The following ENOX2 variants were observed in gnomAD, a reference collection of about 807,000 sequenced individuals.
ENOX2 encodes APK1 antigen.
In ENOX2, 36 loss-of-function variants were observed where a neutral mutation model predicts 45.0. The observed-to-expected ratio is 0.80, with a 90% CI of 0.61 to 1.06. The LOEUF (loss-of-function observed/expected upper bound fraction) is 1.06, where lower values mean the gene tolerates loss of function less well. Ranked by LOEUF, ENOX2 falls within the 50% of genes least tolerant of loss-of-function variation. The pLI, the probability that ENOX2 is intolerant of heterozygous loss-of-function variation, is 0.00. For missense variants in ENOX2, 423 were observed against 462.5 expected (o/e 0.91, Z 0.78); for synonymous variants, 174 against 152.3 (o/e 1.14, Z -1.05).
At chrX:130,686,198 C>T (rs1246517776) in intron 5 of ENOX2, among the ~76,000 whole-genome samples, 1 of 110,505 alleles carries the variant, frequency 9.0e-6, no homozygotes, top group Non-Finnish European at 1.9e-5. Flanking sequence ...ATTGTAATAC[C>T]CCATGTTAGA....
chrX:130,849,995 TGTGAACACAGTTTGAAA>T (rs1253615340), intron 2 of ENOX2, among the ~76,000 whole-genome samples: 1 of 111,896 alleles, frequency 8.9e-6, no homozygotes, highest in Non-Finnish European at 1.9e-5. Context: ...TCATGGATCC[TGTGAACACAGTTTGAAA>T]ATCTATGGGC....
intron 6 of ENOX2, among the ~76,000 whole-genome samples, chrX:130,676,815 C>T (rs2037165696): frequency 9.0e-6 from 1 of 111,375 alleles, no homozygotes; most frequent in South Asian, 3.9e-4. Context: ...TCTAACTGAC[C>T]TCCTCTCCTC....
At chrX:130,838,930 T>C (rs1441167263) in intron 2 of ENOX2, among the ~76,000 whole-genome samples, 1 of 111,961 alleles carries the variant, frequency 8.9e-6, no homozygotes, top group African/African-American at 3.2e-5. Flanking sequence ...CTGTAGCTCT[T>C]TCCTAGGACT....
chrX:130,656,622 T>C lies in ENOX2; in HGVS notation c.1088A>G (p.Glu363Gly). ...TTTTGTTTCTGTCATTTCTTCTATTTCATCATCAGACATTTCCATTTCTTC... is the reference window on the plus strand; with the variant it reads ...TTTTGTTTCTGTCATTTCTTCTATTCCATCATCAGACATTTCCATTTCTTC... The part of the protein sequence containing the change: ...REEEMEMSDD[E>G]IEEMTETKET... The change falls in exon 10 of 15, where the codon GAA (glutamate) becomes GGA (glycine). Residue 363 changes from glutamate (E) to glycine (G), a missense_variant. By Grantham distance (98) the Glu-to-Gly change is moderately conservative. Coordinates refer to ENST00000394363, the MANE Select transcript of ENOX2 (RefSeq NM_006375.4). The C allele has an allele frequency of 8.5e-7, 1 of 1,176,322 alleles. No homozygotes were observed. Among genetic ancestry groups the C allele is most frequent in the East Asian group, 3.0e-5 (1 of 33,613 alleles).
At position 130,724,942 on chromosome X, in the gene ENOX2, T is replaced by A. The variant is rs139143231; in HGVS notation, c.-38-21688A>T. 4.0e-3 allele frequency among the ~76,000 whole-genome samples: 446 copies of A among 111,088 alleles called. 1 individual carries two copies. Among genetic ancestry groups the A allele is most frequent in the African/African-American group, 0.014 (417 of 30,527 alleles). ...TAAACTGGTATGACTGTCCAGTGCA[T>A]ATTGGCTGACTATCAGCCTGAAGAG... On this transcript the variant is annotated intron_variant, in intron 3 of 14. Coordinates refer to ENST00000394363, the MANE Select transcript of ENOX2 (RefSeq NM_006375.4).
intron 3 of ENOX2, among the ~76,000 whole-genome samples, chrX:130,716,248 G>GA (rs761856233): frequency 2.7e-5 from 3 of 111,882 alleles, no homozygotes; most frequent in Non-Finnish European, 5.6e-5. Context: ...AACACTGCCA[G>GA]AAAAAAACAG....
At chrX:130,723,924 T>C (rs998060884) in intron 3 of ENOX2, among the ~76,000 whole-genome samples, 8 of 111,841 alleles carry the variant, frequency 7.2e-5, no homozygotes, top group African/African-American at 2.6e-4. Context: ...AAAACTTTGA[T>C]GGCAGGGATG....
intron 11 of ENOX2, 147 bp from the exon 12 acceptor site, chrX:130,635,238 T>C (rs962970085): frequency 1.0e-4 from 40 of 385,556 alleles, no homozygotes; most frequent in Non-Finnish European, 1.5e-4. Flanking sequence ...ATTGGGCAAA[T>C]CAAGATATTT....
chrX:130,889,067 A>ATCAT (rs1291154103), intron 2 of ENOX2, among the ~76,000 whole-genome samples: 1 of 112,024 alleles, frequency 8.9e-6, no homozygotes, highest in Non-Finnish European at 1.9e-5. Flanking sequence ...ATGCTTTATG[A>ATCAT]GGCTCCAAGC....
At chrX:130,660,445 G>A (rs1280358434) in intron 9 of ENOX2, among the ~76,000 whole-genome samples, 1 of 111,686 alleles carries the variant, frequency 9.0e-6, no homozygotes, top group African/African-American at 3.3e-5. Context: ...GCTCTACTTT[G>A]GGAAGGAAAC....
At chrX:130,813,881 A>T (rs1345462013) in intron 2 of ENOX2, among the ~76,000 whole-genome samples, 1 of 111,970 alleles carries the variant, frequency 8.9e-6, no homozygotes, top group East Asian at 2.8e-4. Context: ...TGGCGCCTGG[A>T]ACGCCAGCAA....
chrX:130,860,690 T>C, intron 2 of ENOX2, among the ~76,000 whole-genome samples: 1 of 111,507 alleles, frequency 9.0e-6, no homozygotes, highest in Non-Finnish European at 1.9e-5. Context: ...TTGAACAGTT[T>C]CCACCCTGCT....
intron 3 of ENOX2, among the ~76,000 whole-genome samples, chrX:130,704,249 G>A (rs1235168889): frequency 9.0e-6 from 1 of 111,698 alleles, no homozygotes; most frequent in Admixed American, 9.5e-5. Context: ...TGTGGCCTGA[G>A]TAAGCAGGAA....
chrX:130,781,780 T>TTTG (rs34314158), intron 3 of ENOX2, among the ~76,000 whole-genome samples: 59 of 110,055 alleles, frequency 5.4e-4, no homozygotes, highest in Middle Eastern at 4.7e-3. Flanking sequence ...ATGGCTGGGT[T>TTTG]TTGTTGTTGT....
intron 4 of ENOX2, among the ~76,000 whole-genome samples, chrX:130,694,749 C>T (rs987107170): frequency 4.6e-5 from 5 of 109,083 alleles, no homozygotes; most frequent in Non-Finnish European, 9.5e-5. Flanking sequence ...ATTACAAGCA[C>T]GCGCCAATAT....
intron 2 of ENOX2, among the ~76,000 whole-genome samples, chrX:130,790,656 C>T (rs2148410010): frequency 8.9e-6 from 1 of 112,105 alleles, no homozygotes; most frequent in Non-Finnish European, 1.9e-5. Flanking sequence ...CAGTACTTTC[C>T]TACCTCCACA....
intron 2 of ENOX2, among the ~76,000 whole-genome samples, chrX:130,840,522 A>AAAAAAAATAAAT (rs577876578): frequency 9.7e-6 from 1 of 103,213 alleles, no homozygotes; most frequent in African/African-American, 3.7e-5. Flanking sequence ...TCTCTTTTAA[A>AAAAAAAATAAAT]AAATAAATAA....
intron 3 of ENOX2, among the ~76,000 whole-genome samples, chrX:130,714,645 T>C (rs993029059): frequency 4.5e-5 from 5 of 112,007 alleles, no homozygotes; most frequent in African/African-American, 1.6e-4. Context: ...ACGAGATACA[T>C]TCTGAATATT....
At chrX:130,836,259 G>A (rs779088039) in intron 2 of ENOX2, among the ~76,000 whole-genome samples, 22 of 111,632 alleles carry the variant, frequency 2.0e-4, no homozygotes, top group African/African-American at 6.8e-4. Context: ...AATATCACTG[G>A]TGCTTTAAGT....
Sources: allele counts gnomAD v4.1 joint callset (sites outside exome capture counted in the v4.1 genomes callset), GRCh38; gene constraint gnomAD v4.1.1; transcripts MANE v1.5; gene names NCBI Gene and HGNC (gene_info 2026-07-23, HGNC 2026-07-21).